PTPRK: variants seen among roughly 807,000 people sequenced by gnomAD.
PTPRK encodes receptor-type tyrosine-protein phosphatase kappa.
Under a neutral mutation model 178.0 loss-of-function variants are expected in PTPRK, and 75 were observed. The observed-to-expected ratio is 0.42, with a 90% CI of 0.35 to 0.51. The LOEUF (loss-of-function observed/expected upper bound fraction) is 0.51, where lower values mean the gene tolerates loss of function less well. PTPRK is among the 20% of genes least tolerant of loss of function. The pLI is 0.02. For synonymous variants in PTPRK, 637 were observed against 620.6 expected (o/e 1.03, Z -0.39); for missense variants, 1,441 against 1,797.8 (o/e 0.80, Z 3.59).
chr6:128,505,023 T>G (rs1012357258), intron 1 of PTPRK, among the ~76,000 whole-genome samples: 1 of 151,990 alleles, frequency 6.6e-6, no homozygotes, highest in Non-Finnish European at 1.5e-5. Flanking sequence ...ATAGAAGTTT[T>G]GAAGTTTTGT....
At chr6:128,209,653 T>C (rs189601942) in intron 6 of PTPRK, among the ~76,000 whole-genome samples, 217 of 152,294 alleles carry the variant, frequency 1.4e-3, no homozygotes, top group African/African-American at 5.0e-3. Flanking sequence ...GATCATGGTA[T>C]TGGCTACAGA....
At chr6:127,989,723 G>C (rs1206141827) in intron 21 of PTPRK, among the ~76,000 whole-genome samples, 1 of 151,754 alleles carries the variant, frequency 6.6e-6, no homozygotes, top group Non-Finnish European at 1.5e-5. Flanking sequence ...TAAAGTTCTT[G>C]CTGATTTGGA....
At chr6:128,443,890 T>C (rs1029016928) in intron 1 of PTPRK, among the ~76,000 whole-genome samples, 6 of 152,158 alleles carry the variant, frequency 3.9e-5, no homozygotes, top group Non-Finnish European at 7.4e-5. Context: ...TCTCACACTG[T>C]TGCCCAAGCT....
intron 2 of PTPRK, among the ~76,000 whole-genome samples, chr6:128,340,284 A>G (rs1355680264): frequency 5.3e-5 from 8 of 152,198 alleles, no homozygotes; most frequent in Non-Finnish European, 1.2e-4. Context: ...ATATAACCAT[A>G]TGGCCCACAG....
At chr6:128,126,060 C>CTT (rs530118683) in intron 7 of PTPRK, among the ~76,000 whole-genome samples, 3 of 145,096 alleles carry the variant, frequency 2.1e-5, no homozygotes, top group African/African-American at 7.6e-5. Context: ...TATTTTAAGG[C>CTT]TTTTTTTTTT....
chr6:128,049,630 A>G (rs1198545983), intron 13 of PTPRK, among the ~76,000 whole-genome samples: 1 of 152,130 alleles, frequency 6.6e-6, no homozygotes. Flanking sequence ...AGATTCTTTA[A>G]GTAAATTTTA....
At chr6:128,386,677 A>G (rs1838785322) in intron 2 of PTPRK, among the ~76,000 whole-genome samples, 1 of 152,178 alleles carries the variant, frequency 6.6e-6, no homozygotes, top group Non-Finnish European at 1.5e-5. Context: ...ATAGATGTTA[A>G]TTTTCCACTC....
chr6:128,288,604 C>A (rs1166863541), intron 3 of PTPRK, among the ~76,000 whole-genome samples: 1 of 152,118 alleles, frequency 6.6e-6, no homozygotes, highest in Non-Finnish European at 1.5e-5. Context: ...TTTTAGACAT[C>A]TGGTTCTGCT....
At chr6:128,111,961 C>T (rs1790743110) in intron 7 of PTPRK, among the ~76,000 whole-genome samples, 1 of 151,988 alleles carries the variant, frequency 6.6e-6, no homozygotes, top group African/African-American at 2.4e-5. Flanking sequence ...TGAATGAATG[C>T]TTAATTTTAC....
At chr6:128,045,941 AAG>A (rs1465036017) in intron 13 of PTPRK, among the ~76,000 whole-genome samples, 1 of 152,154 alleles carries the variant, frequency 6.6e-6, no homozygotes, top group Non-Finnish European at 1.5e-5. Flanking sequence ...TTCAAAGGCA[AAG>A]AGAGACTTTA....
Position 128,020,867 on chromosome 6 carries a change from G to A in PTPRK, c.2195-11599C>T, listed in dbSNP as rs150704405. On this transcript the variant is annotated intron_variant, in intron 13 of 29. Transcript: ENST00000368226. The stretch of plus-strand genomic sequence containing the variant: ...GTAGGTCATTTTCCACCAAGGCTTC[G>A]ATAATTCCTTAATCTGGCATATCTC... Among the ~76,000 whole-genome samples, 298 of 152,128 alleles carry A rather than the reference G, an allele frequency of 2.0e-3. 1 individual carries two copies. The highest frequency in any genetic ancestry group is 6.8e-3 in the African/African-American group (284 of 41,502).
intron 2 of PTPRK, among the ~76,000 whole-genome samples, chr6:128,382,034 T>A (rs1040849496): frequency 6.6e-6 from 1 of 150,602 alleles, no homozygotes; most frequent in Non-Finnish European, 1.5e-5. Flanking sequence ...AATACAAGAA[T>A]TAGCCAGGTG....
intron 1 of PTPRK, among the ~76,000 whole-genome samples, chr6:128,476,354 T>G (rs1279541939): frequency 6.6e-6 from 1 of 152,100 alleles, no homozygotes; most frequent in Non-Finnish European, 1.5e-5. Flanking sequence ...CAAATCATCA[T>G]ATTAGTACCT....
chr6:128,040,078 C>T (rs920786011), intron 13 of PTPRK, among the ~76,000 whole-genome samples: 2 of 152,066 alleles, frequency 1.3e-5, no homozygotes, highest in African/African-American at 4.8e-5. Flanking sequence ...GAGAAAATGC[C>T]TGAATTAGAT....
chr6:128,329,979 T>C (rs1432212571), intron 2 of PTPRK, among the ~76,000 whole-genome samples: 1 of 152,162 alleles, frequency 6.6e-6, no homozygotes, highest in Non-Finnish European at 1.5e-5. Flanking sequence ...ATAAGAAAAG[T>C]ATTTTTATGT....
intron 13 of PTPRK, among the ~76,000 whole-genome samples, chr6:128,014,411 A>AATG (rs1211478042): frequency 6.6e-6 from 1 of 151,060 alleles, no homozygotes; most frequent in Non-Finnish European, 1.5e-5. Context: ...GTTGTGTGAC[A>AATG]ATGAGCAAGT....
intron 2 of PTPRK, among the ~76,000 whole-genome samples, chr6:128,349,946 T>C (rs1312114907): frequency 6.6e-6 from 1 of 152,126 alleles, no homozygotes; most frequent in African/African-American, 2.4e-5. Flanking sequence ...TTAATAAATA[T>C]TCCCAGGCTA....
intron 2 of PTPRK, among the ~76,000 whole-genome samples, chr6:128,378,366 TA>T (rs1210284674): frequency 6.6e-6 from 1 of 152,020 alleles, no homozygotes; most frequent in African/African-American, 2.4e-5. Flanking sequence ...CATAAGTAAA[TA>T]TACACAGACA....
At chr6:128,390,630 A>G (rs1339156474) in intron 2 of PTPRK, among the ~76,000 whole-genome samples, 1 of 152,184 alleles carries the variant, frequency 6.6e-6, no homozygotes, top group Non-Finnish European at 1.5e-5. Context: ...GCACGGTGGT[A>G]CTGGAACAAG....
Sources: allele counts gnomAD v4.1 joint callset (sites outside exome capture counted in the v4.1 genomes callset), GRCh38; gene constraint gnomAD v4.1.1; transcripts MANE v1.5; gene names NCBI Gene and HGNC (gene_info 2026-07-23, HGNC 2026-07-21).